Variants in MTA2 observed in about 807,000 individuals in gnomAD.
The protein encoded by MTA2 is metastasis associated 1 family member 2, also known as metastasis-associated protein MTA2.
A neutral mutation model predicts 87.1 loss-of-function variants in MTA2; 22 were observed. That is an observed-to-expected ratio of 0.25 (90% CI 0.18 to 0.36). The LOEUF is 0.36. Ranked by LOEUF, MTA2 falls within the 10% of genes least tolerant of loss-of-function variation. The pLI is 1.00. For synonymous variants in MTA2, 314 were observed against 310.1 expected, an observed-to-expected ratio of 1.01 and a Z score of -0.13; for missense variants, 542 against 853.2, an observed-to-expected ratio of 0.64 and a Z score of 4.54.
chr11:62,596,573 C>T (rs370743750), intron 9 of MTA2, 41 bp from the exon 10 acceptor site: 62 of 1,612,524 alleles, frequency 3.8e-5, no homozygotes, highest in Non-Finnish European at 4.8e-5. Context: ...TGGCATCTGG[C>T]CCCAGGTCCT....
chr11:62,596,568 T>A (rs1161714295), intron 9 of MTA2, 36 bp from the exon 10 acceptor site: 5 of 1,613,318 alleles, frequency 3.1e-6, no homozygotes, highest in Non-Finnish European at 4.2e-6. Flanking sequence ...TGAGCTGGCA[T>A]CTGGCCCCAG....
intron 8 of MTA2, 83 bp from the exon 9 acceptor site, chr11:62,596,908 G>C: frequency 7.1e-7 from 1 of 1,401,038 alleles, no homozygotes; most frequent in Non-Finnish European, 9.7e-7. Flanking sequence ...TCCCACTCCC[G>C]GCCGGGCGCG....
chr11:62,596,897 C>T, intron 8 of MTA2, 72 bp from the exon 9 acceptor site: 1 of 1,480,872 alleles, frequency 6.8e-7, no homozygotes, highest in Admixed American at 2.1e-5. Context: ...CCTTAAAACA[C>T]TCCCACTCCC....
chr11:62,594,407 T>G lies in MTA2; in HGVS notation c.1693A>C (p.Met565Leu), dbSNP rs1942068098. The G allele has an allele frequency of 5.6e-6, 9 of 1,613,946 alleles. No homozygotes were observed. The South Asian group carries it at 8.8e-5, about 16-fold the overall frequency. The change falls in exon 17 of 18, where the codon ATG (methionine) becomes CTG (leucine). Residue 565 changes from methionine to leucine, a missense_variant and splice_region_variant. By Grantham distance (15) the Met-to-Leu change is conservative (BLOSUM62 2). This residue lies in a region of MTA2 where 269 missense variants were observed against 346.4 expected (regional missense o/e 0.78). Coordinates refer to ENST00000278823, the MANE Select transcript of MTA2 (RefSeq NM_004739.4). ...GIMVKRAYET[M>L]AGAGVPFSAN... The stretch of plus-strand genomic sequence containing the variant: ...GAGAAAGGAACCCCTGCCCCTGCCA[T>G]CTGGAAAAGGGGTAGGATGGCACAA...
chr11:62,598,212 A>G, intron 5 of MTA2, 71 bp from the exon 6 acceptor site: 1 of 1,568,352 alleles, frequency 6.4e-7, no homozygotes, highest in South Asian at 1.1e-5. Flanking sequence ...GGTGTATCTG[A>G]GTTTCCATGA....
At chr11:62,600,055 C>T in intron 3 of MTA2, 111 bp downstream of exon 3, 2 of 977,346 alleles carry the variant, frequency 2.0e-6, no homozygotes, top group Admixed American at 2.5e-5. Context: ...CATTTCCCAC[C>T]CCCAAACTCA....
At position 62,593,818 on chromosome 11, in the gene MTA2, G is replaced by C. The variant is rs1027109383; in HGVS notation, c.*57C>G. On this transcript the variant is annotated 3_prime_UTR_variant, in exon 18 of 18. Coordinates refer to ENST00000278823, the MANE Select transcript of MTA2 (RefSeq NM_004739.4). ...TCGACACGAAAGGGAAGGGAGGTTTGGGTGCCCTGGGCATCCACCCTCTAC... is the reference window on the plus strand; with the variant it reads ...TCGACACGAAAGGGAAGGGAGGTTTCGGTGCCCTGGGCATCCACCCTCTAC... The C allele has an allele frequency of 3.7e-6, 6 of 1,601,886 alleles. No individual in the cohort carries two copies. Among genetic ancestry groups the C allele is most frequent in the Non-Finnish European group, 4.3e-6 (5 of 1,171,464 alleles).
chr11:62,597,702 A>T lies in MTA2; in HGVS notation c.501T>A (p.Asp167Glu). The T allele has an allele frequency of 1.2e-6, 2 of 1,614,006 alleles. No homozygotes were observed. Among genetic ancestry groups the T allele is most frequent in the Non-Finnish European group, 1.7e-6 (2 of 1,179,962 alleles). Residue 167 changes from aspartate (D) to glutamate (E), a missense_variant, in exon 7 of 18, where the codon GAT (aspartate) becomes GAA (glutamate). By Grantham distance (45) the Asp-to-Glu change is conservative. Around this residue, in one of 6 missense-constraint regions of MTA2, gnomAD observed 150 missense variants for 243.9 expected, o/e 0.62. Coordinates refer to ENST00000278823, the MANE Select transcript of MTA2 (RefSeq NM_004739.4). ...TCTCCATCTTCTGCTGGTTCCGATT[A>T]TCAGATTCTCCTGGGGAAAAGAACA... is the stretch of plus-strand genomic sequence containing the variant. ...IPDRLVEGESDNRNQQKMEMK... is the reference protein window; with the variant it reads ...IPDRLVEGESENRNQQKMEMK...
Position 62,598,109 on chromosome 11 carries a change from G to A in MTA2, c.405C>T (p.Pro135=), listed in dbSNP as rs113420813. ...DCFFYSLVFD[P]VQKTLLADQG... Reference sequence around the variant, plus strand: ...GATCAGCGAGAAGTGTCTTCTGCACGGGGTCAAACACCAGTGAGTAAAAAA... The same window carrying A: ...GATCAGCGAGAAGTGTCTTCTGCACAGGGTCAAACACCAGTGAGTAAAAAA... Residue 135 remains proline, a synonymous_variant, in exon 6 of 18, where the codon CCC becomes CCT. Coordinates refer to ENST00000278823, the MANE Select transcript of MTA2 (RefSeq NM_004739.4). 4.0e-5 allele frequency: 65 copies of A among 1,614,010 alleles called. 1 individual carries two copies. Among genetic ancestry groups the A allele is most frequent in the African/African-American group, 3.6e-4 (27 of 74,994 alleles).
chr11:62,595,456 C>T lies in MTA2; in HGVS notation c.1291G>A (p.Ala431Thr), dbSNP rs374990116. Residue 431 changes from alanine to threonine, a missense_variant, in exon 14 of 18, where the codon GCT (alanine) becomes ACT (threonine). Coordinates refer to ENST00000278823, the MANE Select transcript of MTA2 (RefSeq NM_004739.4). The surrounding 1 kb of genome is among the most constrained non-coding windows in gnomAD (Gnocchi z 4.9). The part of the protein sequence containing the change: ...HSRGHLSRPE[A>T]QSLSPYTTSA... The stretch of plus-strand genomic sequence containing the variant: ...GTTGTGTAAGGAGAGAGACTTTGAG[C>T]TTCAGGTCTGGATAAATGACCCCTT... 2 of 1,614,094 alleles carry T rather than the reference C, an allele frequency of 1.2e-6. No homozygotes were observed. Among genetic ancestry groups the T allele is most frequent in the Admixed American group, 1.7e-5 (1 of 60,004 alleles).
chr11:62,594,798 C>A (rs1942075453), intron 15 of MTA2, among the ~76,000 whole-genome samples, 164 bp from the exon 16 acceptor site: 1 of 152,098 alleles, frequency 6.6e-6, no homozygotes, highest in Non-Finnish European at 1.5e-5. Context: ...ATCAGTATGA[C>A]CTTATCAAAT....
intron 6 of MTA2, 124 bp downstream of exon 6, chr11:62,597,900 C>T (rs1942121113): frequency 9.6e-7 from 1 of 1,042,482 alleles, no homozygotes; most frequent in African/African-American, 1.6e-5. Flanking sequence ...AGGGTCATGG[C>T]AGAGAGCCCT....
At chr11:62,598,760 C>T (rs1401557601) in intron 3 of MTA2, 121 bp from the exon 4 acceptor site, 1 of 856,786 alleles carries the variant, frequency 1.2e-6, no homozygotes, top group Non-Finnish European at 1.9e-6. Flanking sequence ...ATTTCCCAGG[C>T]GTCTGCCTTC....
At chr11:62,597,548 T>C in intron 7 of MTA2, 62 bp downstream of exon 7, 2 of 1,528,292 alleles carry the variant, frequency 1.3e-6, no homozygotes, top group Admixed American at 1.8e-5. Context: ...CTAAGAACCA[T>C]GGGACTCAGA....
intron 6 of MTA2, 122 bp downstream of exon 6, chr11:62,597,902 G>A: frequency 9.5e-7 from 1 of 1,047,562 alleles, no homozygotes; most frequent in South Asian, 1.4e-5. Flanking sequence ...GGTCATGGCA[G>A]AGAGCCCTGC....
Position 62,596,001 on chromosome 11 carries a change from G to A in MTA2, c.1114+9C>T, listed in dbSNP as rs201567806. The A allele has an allele frequency of 5.6e-6, 9 of 1,613,942 alleles. No homozygotes were observed. The highest frequency in any genetic ancestry group is 5.0e-5 in the Admixed American group (3 of 59,990). ...CCATCCCCACCATCCCAGTGCCCCC[G>A]TAACTCACTGTGGCAACTCTCACAA... is the stretch of plus-strand genomic sequence containing the variant. On this transcript the variant is annotated intron_variant, in intron 12 of 17. Coordinates refer to ENST00000278823, the MANE Select transcript of MTA2 (RefSeq NM_004739.4).
In MTA2 at chr11:62,593,679, T is replaced by C; in HGVS notation, c.*196A>G. On this transcript the variant is annotated 3_prime_UTR_variant, in exon 18 of 18. Coordinates refer to ENST00000278823, the MANE Select transcript of MTA2 (RefSeq NM_004739.4). The stretch of plus-strand genomic sequence containing the variant: ...CCAAGTTCCTGCAGTCTGTCCTCCA[T>C]CGGCAAGCATGGAGGCATGAGACAA... 1.6e-6 allele frequency: 1 copy of C among 629,296 alleles called. No individual in the cohort carries two copies. The highest frequency in any genetic ancestry group is 2.0e-5 in the South Asian group (1 of 49,420). 39.0% of individuals were successfully genotyped at this position (629,296 alleles called of 1,614,324 possible).
chr11:62,601,852 G>C lies in MTA2; in HGVS notation c.-402C>G, dbSNP rs913304091. Reference sequence around the variant, plus strand: ...CCGGAACACCTTCGGCCGATCCGGAGAACAAGGCCCACTGCTCGGCTCAGG... The same window carrying C: ...CCGGAACACCTTCGGCCGATCCGGACAACAAGGCCCACTGCTCGGCTCAGG... On this transcript the variant is annotated 5_prime_UTR_variant, in exon 1 of 18. Coordinates refer to ENST00000278823, the MANE Select transcript of MTA2 (RefSeq NM_004739.4). The C allele has an allele frequency of 8.1e-6, 4 of 495,724 alleles. No homozygotes were observed. In the Admixed American group the frequency reaches 1.2e-4, roughly 15 times the overall value. The allele number at this position is 495,724 out of a possible 1,614,324, so 30.7% of individuals were successfully genotyped here. A position where few individuals can be genotyped will look rare whatever the true frequency, so the allele number is the denominator to read the frequency against.
At position 62,601,769 on chromosome 11, in the gene MTA2, T is replaced by C. The variant is rs976901049; in HGVS notation, c.-319A>G. ...CGCCCCCGCGGAGTCCCACTAGTCG[T>C]TGGGCTCTGCCGGCCGCAGGGAAGG... On this transcript the variant is annotated 5_prime_UTR_variant, in exon 1 of 18. Transcript: ENST00000278823. 1.7e-4 allele frequency: 88 copies of C among 510,220 alleles called. No homozygotes were observed. In the East Asian group the frequency reaches 2.0e-3, roughly 12 times the overall value. 31.6% of individuals were successfully genotyped at this position (510,220 alleles called of 1,614,324 possible). A position where few individuals can be genotyped will look rare whatever the true frequency, so the allele number is the denominator to read the frequency against.
Sources: allele counts gnomAD v4.1 joint callset (sites outside exome capture counted in the v4.1 genomes callset), GRCh38; gene constraint gnomAD v4.1.1; regional missense constraint gnomAD v4.1.1; non-coding constraint Gnocchi (gnomAD v3.1); transcripts MANE v1.5; gene names NCBI Gene and HGNC (gene_info 2026-07-23, HGNC 2026-07-21).